The following LDAH variants were observed in gnomAD, a reference collection of about 807,000 sequenced individuals.
LDAH encodes the protein lipid droplet associated hydrolase.
LDAH carries 26 observed loss-of-function variants against 29.6 expected under a neutral mutation model. The ratio of observed to expected loss-of-function variants is 0.88; its 90% CI spans 0.64 to 1.22. The LOEUF is 1.22. Ranked by LOEUF, LDAH falls within the 50% of genes most tolerant of loss-of-function variation. The pLI is 0.00. For missense variants in LDAH, 344 were observed against 387.3 expected (o/e 0.89, Z 0.94); for synonymous variants, 117 against 133.0 (o/e 0.88, Z 0.83).
At position 20,684,800 on chromosome 2, in the gene LDAH, G is replaced by C; in HGVS notation, c.*2103C>G. ...AACTTTCACAAAGACCATCCATGTG[G>C]TTGACTGGGACATACAGGCAGAGCT... On this transcript the variant is annotated 3_prime_UTR_variant, in exon 7 of 7. Coordinates refer to ENST00000237822, the MANE Select transcript of LDAH (RefSeq NM_021925.4). The C allele has an allele frequency of 6.9e-7, 1 of 1,457,308 alleles. No homozygotes were observed. The highest frequency in any genetic ancestry group is 1.3e-5 in the South Asian group (1 of 74,642). The allele number at this position is 1,457,308 out of a possible 1,614,324, so 90.3% of individuals were successfully genotyped here. A position where few individuals can be genotyped will look rare whatever the true frequency, so the allele number is the denominator to read the frequency against.
At position 20,698,103 on chromosome 2, in the gene LDAH, C is replaced by CA. The variant is rs1663626343; in HGVS notation, c.786+3466dup. Among the ~76,000 whole-genome samples the CA allele has an allele frequency of 6.6e-6, 1 of 152,066 alleles. No individual in the cohort carries two copies. Among genetic ancestry groups the CA allele is most frequent in the South Asian group, 2.1e-4 (1 of 4,826 alleles). On this transcript the variant is annotated intron_variant, in intron 6 of 6. Coordinates refer to ENST00000237822, the MANE Select transcript of LDAH (RefSeq NM_021925.4). This position sits in a 1 kb window ranked among gnomAD's most constrained non-coding sequence, Gnocchi z 4.4. ...GAGAGAGCGAAAGAGATGCATGGCA[C>CA]AAAAAAGGTTTAGAATCCACACTCT...
At chr2:20,790,490 C>A in intron 2 of LDAH, 92 bp from the exon 3 acceptor site, 3 of 1,069,822 alleles carry the variant, frequency 2.8e-6, no homozygotes, top group Non-Finnish European at 4.1e-6. Context: ...TGTTTCTTTT[C>A]ACACTTTCCT....
chr2:20,803,636 T>G (rs1264852274), intron 1 of LDAH, among the ~76,000 whole-genome samples: 1 of 152,132 alleles, frequency 6.6e-6, no homozygotes, highest in Non-Finnish European at 1.5e-5. Flanking sequence ...CATGCTCTCC[T>G]ACCAGTCTTA....
intron 6 of LDAH, 60 bp downstream of exon 6, chr2:20,701,510 G>T: frequency 1.5e-6 from 2 of 1,347,472 alleles, no homozygotes; most frequent in Non-Finnish European, 2.1e-6. Context: ...CTAGTCCTTT[G>T]CCCTCGTATC....
In LDAH at chr2:20,788,817, C is replaced by T. The variant is rs527864660; in HGVS notation, c.298+1438G>A. 3 of 259,146 alleles carry T rather than the reference C, an allele frequency of 1.2e-5. No individual in the cohort carries two copies. The South Asian group carries it at 1.3e-4, about 11-fold the overall frequency. The allele number at this position is 259,146 out of a possible 1,614,324, so 16.1% of individuals were successfully genotyped here. A position where few individuals can be genotyped will look rare whatever the true frequency, so the allele number is the denominator to read the frequency against. ...TCCTTCAACTCTTGGATATGCTGTACTTTTATAAAGTTATGTTTATGTTTT... is the reference window on the plus strand; with the variant it reads ...TCCTTCAACTCTTGGATATGCTGTATTTTTATAAAGTTATGTTTATGTTTT... On this transcript the variant is annotated intron_variant, in intron 3 of 6. Transcript: ENST00000237822.
Position 20,694,724 on chromosome 2 carries a change from A to C in LDAH, c.786+6846T>G, listed in dbSNP as rs1234474986. Among the ~76,000 whole-genome samples, 9 of 152,328 alleles carry C rather than the reference A, an allele frequency of 5.9e-5. No homozygotes were observed. In the East Asian group the frequency reaches 1.7e-3, roughly 29 times the overall value. On this transcript the variant is annotated intron_variant, in intron 6 of 6. Transcript: ENST00000237822. ...GGAGCGGTGGGAATGGGAGCGCCAA[A>C]GGAGGAGTAGGTCCTATGGGGCACT...
chr2:20,771,236 G>A (rs1240145861), intron 4 of LDAH, among the ~76,000 whole-genome samples: 1 of 152,000 alleles, frequency 6.6e-6, no homozygotes, highest in African/African-American at 2.4e-5. Flanking sequence ...TTAAGACCAA[G>A]TTGCCTATAA....
intron 4 of LDAH, among the ~76,000 whole-genome samples, chr2:20,759,493 G>A (rs1192736226): frequency 1.3e-5 from 2 of 151,994 alleles, no homozygotes; most frequent in Non-Finnish European, 2.9e-5. Flanking sequence ...ATTTTTTGTG[G>A]CCTACATTGC....
At chr2:20,803,970 C>A (rs1046836610) in intron 1 of LDAH, among the ~76,000 whole-genome samples, 2 of 152,136 alleles carry the variant, frequency 1.3e-5, no homozygotes, top group Non-Finnish European at 2.9e-5. Context: ...CTTTATAAAT[C>A]TTTCCCTCAT....
intron 5 of LDAH, among the ~76,000 whole-genome samples, chr2:20,710,841 T>C (rs1039327673): frequency 1.3e-5 from 2 of 151,750 alleles, no homozygotes; most frequent in African/African-American, 2.4e-5. Flanking sequence ...TAAGCAGAAT[T>C]CTAAGACGTC....
rs368391191 is a variant in LDAH at position 20,810,918 on chromosome 2, AAC to A, written c.-2-9455_-2-9454del. 1.3e-3 allele frequency among the ~76,000 whole-genome samples: 204 copies of A among 152,260 alleles called. 3 individuals carry two copies. The South Asian group carries it at 0.037, about 28-fold the overall frequency. ...ACTAACGCCCAGTGATCTGAGATGG[AAC>A]AGTTTCATCCCAAAACCATCACTCC... is the stretch of plus-strand genomic sequence containing the variant. On this transcript the variant is annotated intron_variant, in intron 1 of 6. Coordinates refer to ENST00000237822, the MANE Select transcript of LDAH (RefSeq NM_021925.4).
At chr2:20,754,203 G>A (rs1441811992) in intron 4 of LDAH, among the ~76,000 whole-genome samples, 1 of 151,942 alleles carries the variant, frequency 6.6e-6, no homozygotes. Context: ...AGTAAAGTAC[G>A]CAGGCTGGGC....
chr2:20,801,396 G>T lies in LDAH; in HGVS notation c.68C>A (p.Thr23Asn). ...EEFILCGGAETQVLKCGPWTD... is the reference protein window; with the variant it reads ...EEFILCGGAENQVLKCGPWTD... ...CCAGGGCCCACATTTTAGAACCTGGGTTTCGGCTCCACCACACAAAATGAA... is the reference window on the plus strand; with the variant it reads ...CCAGGGCCCACATTTTAGAACCTGGTTTTCGGCTCCACCACACAAAATGAA... The change falls in exon 2 of 7, where the codon ACC becomes AAC. Residue 23 changes from threonine to asparagine, a missense_variant. By Grantham distance (65) the Thr-to-Asn change is moderately conservative (BLOSUM62 0). Coordinates refer to ENST00000237822, the MANE Select transcript of LDAH (RefSeq NM_021925.4). 6.2e-7 allele frequency: 1 copy of T among 1,614,086 alleles called. No individual in the cohort carries two copies. The highest frequency in any genetic ancestry group is 8.5e-7 in the Non-Finnish European group (1 of 1,179,972).
In LDAH at chr2:20,686,831, C is replaced by A. The variant is rs1572391727; in HGVS notation, c.*72G>T. On this transcript the variant is annotated 3_prime_UTR_variant, in exon 7 of 7. Transcript: ENST00000237822. ...TCTAATATCAGTCTTCAAAATTAAACATTTACCTACTAAGTCTAGTACACT... is the reference window on the plus strand; with the variant it reads ...TCTAATATCAGTCTTCAAAATTAAAAATTTACCTACTAAGTCTAGTACACT... 1 of 1,333,038 alleles carries A rather than the reference C, an allele frequency of 7.5e-7. No individual in the cohort carries two copies. The highest frequency in any genetic ancestry group is 2.4e-5 in the East Asian group (1 of 42,276). 82.6% of individuals were successfully genotyped at this position (1,333,038 alleles called of 1,614,324 possible).
chr2:20,814,507 C>A (rs933568054), intron 1 of LDAH, among the ~76,000 whole-genome samples: 1 of 151,966 alleles, frequency 6.6e-6, no homozygotes, highest in Non-Finnish European at 1.5e-5. Context: ...GTCACCCAGG[C>A]TGGAATACAG....
intron 4 of LDAH, among the ~76,000 whole-genome samples, chr2:20,750,645 A>G (rs941238959): frequency 6.6e-6 from 1 of 152,240 alleles, no homozygotes; most frequent in East Asian, 1.9e-4. Context: ...TAAGTAATTA[A>G]GCACATTTGT....
At chr2:20,810,127 G>C (rs979521679) in intron 1 of LDAH, among the ~76,000 whole-genome samples, 13 of 152,212 alleles carry the variant, frequency 8.5e-5, no homozygotes, top group Non-Finnish European at 4.4e-5. Flanking sequence ...CTGATCCAAA[G>C]TCTGGGGCCT....
At chr2:20,694,316 G>A (rs1056107210) in intron 6 of LDAH, among the ~76,000 whole-genome samples, 2 of 152,146 alleles carry the variant, frequency 1.3e-5, no homozygotes, top group Non-Finnish European at 2.9e-5. Flanking sequence ...TCCCCTCAGA[G>A]TCAAAGACAT....
intron 1 of LDAH, among the ~76,000 whole-genome samples, chr2:20,808,864 G>C (rs1033302817): frequency 1.3e-5 from 2 of 152,096 alleles, no homozygotes; most frequent in African/African-American, 4.8e-5. Context: ...AGAGGAGTAA[G>C]GAAAACAAGG....
Sources: allele counts gnomAD v4.1 joint callset (sites outside exome capture counted in the v4.1 genomes callset), GRCh38; gene constraint gnomAD v4.1.1; non-coding constraint Gnocchi (gnomAD v3.1); transcripts MANE v1.5; gene names NCBI Gene and HGNC (gene_info 2026-07-23, HGNC 2026-07-21).